The following CHRNB3 variants were observed in gnomAD, a reference collection of about 807,000 sequenced individuals.
CHRNB3 encodes neuronal acetylcholine receptor subunit beta-3.
In CHRNB3, 37 loss-of-function variants were observed where a neutral mutation model predicts 40.6. That is an observed-to-expected ratio of 0.91 (90% CI 0.70 to 1.20). The LOEUF (loss-of-function observed/expected upper bound fraction) is 1.20, where lower values mean the gene tolerates loss of function less well. CHRNB3 is among the 50% of genes most tolerant of loss of function. CHRNB3 has a pLI of 0.00. For missense variants in CHRNB3, 505 were observed against 551.2 expected (o/e 0.92, Z 0.84); for synonymous variants, 207 against 207.1 (o/e 1.00, Z 0.00).
chr8:42,708,984 T>G lies in CHRNB3; in HGVS notation c.204+116T>G, dbSNP rs1815966542. On this transcript the variant is annotated intron_variant, in intron 2 of 5. Transcript: ENST00000289957. ...TTTCAATTTTAAAAATAATTTACTG[T>G]GAGAGAAAATCTGCCCCCAAGAAGC... 6.0e-6 allele frequency: 7 copies of G among 1,171,928 alleles called. No individual in the cohort carries two copies. In the East Asian group the frequency reaches 1.8e-4, roughly 30 times the overall value. 72.6% of individuals were successfully genotyped at this position (1,171,928 alleles called of 1,614,324 possible).
chr8:42,728,687 G>A, intron 3 of CHRNB3, among the ~76,000 whole-genome samples: 1 of 152,230 alleles, frequency 6.6e-6, no homozygotes, highest in South Asian at 2.1e-4. Context: ...ATTTCCAAGG[G>A]CTGGAAATGC....
intron 1 of CHRNB3, among the ~76,000 whole-genome samples, chr8:42,702,582 T>C (rs771153315): frequency 5.9e-5 from 9 of 151,978 alleles, no homozygotes; most frequent in Non-Finnish European, 1.2e-4. Context: ...GGCCAACATA[T>C]TGAAACCCTG....
chr8:42,720,612 A>G (rs1356699119), intron 3 of CHRNB3, among the ~76,000 whole-genome samples: 1 of 152,136 alleles, frequency 6.6e-6, no homozygotes, highest in Admixed American at 6.5e-5. Flanking sequence ...AGCTGTGCTC[A>G]GTGCTAGTAC....
intron 3 of CHRNB3, chr8:42,726,271 G>A (rs1816307710): frequency 3.1e-6 from 2 of 638,830 alleles, no homozygotes; most frequent in African/African-American, 1.8e-5. Flanking sequence ...ATTAAGGCAA[G>A]GAAAAGCAGT....
intron 3 of CHRNB3, chr8:42,726,020 C>A: frequency 3.9e-6 from 4 of 1,035,482 alleles, no homozygotes; most frequent in Non-Finnish European, 6.0e-6. Context: ...TTCTAGTCGT[C>A]TGAGACGTAC....
At chr8:42,732,980 C>A (rs1816456187) in intron 5 of CHRNB3, among the ~76,000 whole-genome samples, 1 of 151,566 alleles carries the variant, frequency 6.6e-6, no homozygotes, top group East Asian at 1.9e-4. Flanking sequence ...TGTAGTGTTA[C>A]AACAGATATT....
In CHRNB3 at chr8:42,717,373, CAAAAAAAAAAAAAA is replaced by C. The variant is rs1169333899; in HGVS notation, c.249+6958_249+6971del. On this transcript the variant is annotated intron_variant, in intron 3 of 5. Coordinates refer to ENST00000289957, the MANE Select transcript of CHRNB3 (RefSeq NM_000749.5). Reference sequence around the variant, plus strand: ...TGGGTGACAGAGCGAGACTCCGTCTCAAAAAAAAAAAAAAAAAAAAAAAAAAAAAAAAGCCGACC... The same window carrying C: ...TGGGTGACAGAGCGAGACTCCGTCTCAAAAAAAAAAAAAAAAAAGCCGACC... Among the ~76,000 whole-genome samples, 28 of 11,200 alleles carry C rather than the reference CAAAAAAAAAAAAAA, an allele frequency of 2.5e-3. 1 individual carries two copies. In the East Asian group the frequency reaches 0.028, roughly 11 times the overall value. 7.3% of individuals were successfully genotyped at this position (11,200 alleles called of 152,430 possible). A position where few individuals can be genotyped will look rare whatever the true frequency, so the allele number is the denominator to read the frequency against.
At chr8:42,714,456 G>A (rs1816068421) in intron 3 of CHRNB3, among the ~76,000 whole-genome samples, 1 of 151,980 alleles carries the variant, frequency 6.6e-6, no homozygotes, top group Non-Finnish European at 1.5e-5. Flanking sequence ...CTGCACTCCA[G>A]CCTGGACGAC....
Position 42,703,435 on chromosome 8 carries a change from A to AAAAAAAAAT in CHRNB3, c.53-5281_53-5280insAAAAAAATA. On this transcript the variant is annotated intron_variant, in intron 1 of 5. Coordinates refer to ENST00000289957, the MANE Select transcript of CHRNB3 (RefSeq NM_000749.5). ...CAAGACTTCGTCTAAAAAAAAAAAA[A>AAAAAAAAAT]ATATTTATATATATATATATATATA... Among the ~76,000 whole-genome samples the AAAAAAAAAT allele has an allele frequency of 6.7e-3, 318 of 47,384 alleles. 55 individuals carry two copies. Among genetic ancestry groups the AAAAAAAAAT allele is most frequent in the East Asian group, 0.014 (12 of 878 alleles). 31.1% of individuals were successfully genotyped at this position (47,384 alleles called of 152,430 possible).
chr8:42,716,349 G>T (rs1012962543), intron 3 of CHRNB3, among the ~76,000 whole-genome samples: 1 of 152,010 alleles, frequency 6.6e-6, no homozygotes, highest in African/African-American at 2.4e-5. Flanking sequence ...TAATCACTAT[G>T]ACAACAAATG....
At chr8:42,705,746 G>GT (rs1815910662) in intron 1 of CHRNB3, 4 of 152,452 alleles carry the variant, frequency 2.6e-5, no homozygotes, top group Admixed American at 2.0e-4. Flanking sequence ...GCCTGACCTG[G>GT]GGATAGATGG....
At chr8:42,733,787 G>A (rs1816469578) in intron 5 of CHRNB3, among the ~76,000 whole-genome samples, 1 of 150,584 alleles carries the variant, frequency 6.6e-6, no homozygotes, top group Non-Finnish European at 1.5e-5. Flanking sequence ...TTAGAGATGG[G>A]GTTTTGCCAT....
chr8:42,724,070 G>A (rs1442213853), intron 3 of CHRNB3, among the ~76,000 whole-genome samples: 1 of 151,574 alleles, frequency 6.6e-6, no homozygotes, highest in African/African-American at 2.4e-5. Context: ...TGGGCAACAA[G>A]AGCGAAACTC....
intron 3 of CHRNB3, among the ~76,000 whole-genome samples, chr8:42,729,871 G>A (rs529632584): frequency 6.6e-6 from 1 of 152,226 alleles, no homozygotes; most frequent in Admixed American, 6.5e-5. Flanking sequence ...GACCTTCACA[G>A]TCTGATCAAT....
intron 2 of CHRNB3, among the ~76,000 whole-genome samples, chr8:42,709,456 A>G (rs1407167019): frequency 3.3e-5 from 5 of 152,126 alleles, no homozygotes; most frequent in Non-Finnish European, 1.5e-5. Flanking sequence ...TTGTCCTTCT[A>G]TGATCCCCAA....
At chr8:42,718,663 ACT>A (rs1204745994) in intron 3 of CHRNB3, among the ~76,000 whole-genome samples, 3 of 120,174 alleles carry the variant, frequency 2.5e-5, no homozygotes, top group African/African-American at 9.6e-5. Context: ...ACAGAGCAAG[ACT>A]CTGTCTCAAA....
intron 4 of CHRNB3, among the ~76,000 whole-genome samples, chr8:42,730,941 G>A (rs1222644719): frequency 1.4e-5 from 2 of 147,314 alleles, no homozygotes; most frequent in Non-Finnish European, 3.0e-5. Context: ...CCAGCTACTC[G>A]GGAGGCTGAG....
In CHRNB3 at chr8:42,736,745, C is replaced by G; in HGVS notation, c.*127C>G. The G allele has an allele frequency of 8.9e-7, 1 of 1,125,470 alleles. No individual in the cohort carries two copies. Among genetic ancestry groups the G allele is most frequent in the Admixed American group, 2.0e-5 (1 of 49,944 alleles). The allele number at this position is 1,125,470 out of a possible 1,614,324, so 69.7% of individuals were successfully genotyped here. Reference sequence around the variant, plus strand: ...CGTTGTCTTTGTGGAAATGGAACATCTCCTCATGGGAGAAACTCTGGTAAA... The same window carrying G: ...CGTTGTCTTTGTGGAAATGGAACATGTCCTCATGGGAGAAACTCTGGTAAA... On this transcript the variant is annotated 3_prime_UTR_variant, in exon 6 of 6. Coordinates refer to ENST00000289957, the MANE Select transcript of CHRNB3 (RefSeq NM_000749.5).
intron 3 of CHRNB3, among the ~76,000 whole-genome samples, chr8:42,717,373 CAA>C (rs1169333899): frequency 0.039 from 434 of 11,150 alleles, 41 homozygotes; most frequent in Middle Eastern, 0.071. Flanking sequence ...GACTCCGTCT[CAA>C]AAAAAAAAAA....
Sources: gnomAD v4.1 joint callset for allele counts (sites outside exome capture counted in the v4.1 genomes callset) on GRCh38, gnomAD v4.1.1 for gene constraint, MANE v1.5 for transcripts, NCBI Gene and HGNC (gene_info 2026-07-23, HGNC 2026-07-21) for gene names.